The following FABP12 variants were observed in gnomAD, a reference collection of about 807,000 sequenced individuals.
FABP12 encodes the protein fatty acid-binding protein 12.
A neutral mutation model predicts 13.7 loss-of-function variants in FABP12; 19 were observed. The observed-to-expected ratio is 1.39, with a 90% CI of 0.97 to 2.04. FABP12 has a LOEUF of 2.04. FABP12 is among the 30% of genes most tolerant of loss of function. The pLI is 0.00. For missense variants in FABP12, 182 were observed against 164.2 expected, an observed-to-expected ratio of 1.11 and a Z score of -0.59; for synonymous variants, 61 against 57.0, an observed-to-expected ratio of 1.07 and a Z score of -0.32.
chr8:81,584,200 A>G (rs375027161), intron 1 of FABP12, among the ~76,000 whole-genome samples: 1 of 152,238 alleles, frequency 6.6e-6, no homozygotes, highest in African/African-American at 2.4e-5. Flanking sequence ...TCCCCCAACA[A>G]GAAAGGACCA....
Position 81,530,982 on chromosome 8 carries a change from A to AT in FABP12, c.73+260dup, listed in dbSNP as rs768452538. Among the ~76,000 whole-genome samples, 61 of 152,270 alleles carry AT rather than the reference A, an allele frequency of 4.0e-4. 1 individual carries two copies. The East Asian group carries it at 6.0e-3, about 15-fold the overall frequency. On this transcript the variant is annotated intron_variant, in intron 2 of 4. Transcript: ENST00000360464. ...AATAATCATTTTAAAAAATAGTTGT[A>AT]TTTTTTTGTTTTAAAACATTTATTA...
chr8:81,543,608 G>A (rs1809388513), intron 1 of FABP12, among the ~76,000 whole-genome samples: 1 of 152,184 alleles, frequency 6.6e-6, no homozygotes, highest in African/African-American at 2.4e-5. Flanking sequence ...ATAAAAGTAT[G>A]TATACCCTGA....
chr8:81,582,467 C>A (rs1810180409), intron 1 of FABP12, among the ~76,000 whole-genome samples: 1 of 151,838 alleles, frequency 6.6e-6, no homozygotes, highest in African/African-American at 2.4e-5. Flanking sequence ...AGGAAACTCA[C>A]CTCACATGTA....
intron 1 of FABP12, among the ~76,000 whole-genome samples, chr8:81,586,321 T>C (rs1210125768): frequency 6.6e-6 from 1 of 152,214 alleles, no homozygotes; most frequent in Non-Finnish European, 1.5e-5. Context: ...CATGTATCTT[T>C]ATGATAGAAC....
At chr8:81,581,679 A>G (rs1055811591) in intron 1 of FABP12, among the ~76,000 whole-genome samples, 1 of 152,236 alleles carries the variant, frequency 6.6e-6, no homozygotes, top group Non-Finnish European at 1.5e-5. Context: ...AATATATTCA[A>G]AATGCTGAAA....
At chr8:81,535,333 G>C (rs1204159413), upstream of FABP12, among the ~76,000 whole-genome samples, 1 of 152,154 alleles carries the variant, frequency 6.6e-6, no homozygotes, top group Non-Finnish European at 1.5e-5. Flanking sequence ...CTTATCAAGG[G>C]ATGGAGAGAG....
chr8:81,527,030 T>C (rs1164030050), exon 4 of FABP12: 1 of 1,605,512 alleles, frequency 6.2e-7, no homozygotes, highest in Non-Finnish European at 8.5e-7. Flanking sequence ...CACCACCATT[T>C]TCCCATCCAC....
Position 81,578,823 on chromosome 8 carries a change from G to GTTTTTTTTTTTT in FABP12, c.-185+11218_-185+11229dup, listed in dbSNP as rs763089399. On this transcript the variant is annotated intron_variant, in intron 1 of 5. Transcript: ENST00000692030. ...TACAGAATCTGACACATTTGTTCAA[G>GTTTTTTTTTTTT]TTTTTTTTTTTTTTTTTTTGAGAAG... Among the ~76,000 whole-genome samples the GTTTTTTTTTTTT allele has an allele frequency of 5.6e-4, 59 of 105,622 alleles. 4 individuals are homozygous for GTTTTTTTTTTTT. The highest frequency in any genetic ancestry group is 9.0e-4 in the East Asian group (3 of 3,330). 69.3% of individuals were successfully genotyped at this position (105,622 alleles called of 152,430 possible). A position where few individuals can be genotyped will look rare whatever the true frequency, so the allele number is the denominator to read the frequency against.
chr8:81,529,297 T>TG (rs3842190), intron 3 of FABP12, 141 bp downstream of exon 3: 205,871 of 801,660 alleles, frequency 0.26, 32,500 homozygotes, highest in African/African-American at 0.68. Flanking sequence ...TATCTTCACA[T>TG]TGACATCCTT....
At chr8:81,577,038 A>G (rs1810060043) in intron 1 of FABP12, among the ~76,000 whole-genome samples, 1 of 152,228 alleles carries the variant, frequency 6.6e-6, no homozygotes, top group Non-Finnish European at 1.5e-5. Flanking sequence ...CAGAGGGTCT[A>G]TCATACTTTT....
At chr8:81,556,001 G>A (rs1443377739) in intron 1 of FABP12, among the ~76,000 whole-genome samples, 1 of 152,124 alleles carries the variant, frequency 6.6e-6, no homozygotes, top group African/African-American at 2.4e-5. Flanking sequence ...GGGATCATGG[G>A]TATCTTGGTA....
At chr8:81,567,175 A>G (rs570967852) in intron 1 of FABP12, among the ~76,000 whole-genome samples, 30 of 152,252 alleles carry the variant, frequency 2.0e-4, no homozygotes, top group Non-Finnish European at 3.8e-4. Context: ...ATGGAAAGAT[A>G]TTCCATGTTC....
chr8:81,528,879 C>T (rs562105107), intron 3 of FABP12, among the ~76,000 whole-genome samples: 19 of 152,184 alleles, frequency 1.2e-4, no homozygotes, highest in African/African-American at 4.3e-4. Flanking sequence ...GTAGTTGAAC[C>T]TCTTTTGGCA....
chr8:81,564,117 G>T (rs897383158), intron 1 of FABP12, among the ~76,000 whole-genome samples: 1 of 151,944 alleles, frequency 6.6e-6, no homozygotes. Context: ...ACCTTACAAG[G>T]CCAAGAGAGA....
intron 1 of FABP12, among the ~76,000 whole-genome samples, chr8:81,540,552 C>T (rs573066408): frequency 6.6e-6 from 1 of 152,316 alleles, no homozygotes; most frequent in South Asian, 2.1e-4. Flanking sequence ...ACAAAATACT[C>T]TTCAAACTGT....
intron 1 of FABP12, among the ~76,000 whole-genome samples, chr8:81,561,424 T>C (rs985349358): frequency 5.3e-5 from 8 of 152,150 alleles, no homozygotes; most frequent in Admixed American, 4.6e-4. Flanking sequence ...GTAGACAAAA[T>C]GGCCAAATAG....
chr8:81,564,740 C>T (rs982179424), intron 1 of FABP12, among the ~76,000 whole-genome samples: 5 of 151,846 alleles, frequency 3.3e-5, no homozygotes, highest in Non-Finnish European at 7.4e-5. Context: ...TAGAAAATCA[C>T]CTTCACTAAA....
chr8:81,550,293 A>G (rs917931880), intron 1 of FABP12, among the ~76,000 whole-genome samples: 3 of 152,174 alleles, frequency 2.0e-5, no homozygotes, highest in Non-Finnish European at 4.4e-5. Context: ...CTCAAAATGA[A>G]AAGGTAAATA....
At chr8:81,587,059 C>T (rs1810250798) in intron 1 of FABP12, among the ~76,000 whole-genome samples, 1 of 152,166 alleles carries the variant, frequency 6.6e-6, no homozygotes, top group Admixed American at 6.5e-5. Context: ...AGCCCTTTCC[C>T]CACTGCTTGT....
Sources: allele counts gnomAD v4.1 joint callset (sites outside exome capture counted in the v4.1 genomes callset), GRCh38; gene constraint gnomAD v4.1.1; transcripts MANE v1.5; gene names NCBI Gene and HGNC (gene_info 2026-07-23, HGNC 2026-07-21).